Variants in ADAMTSL1 observed in about 807,000 individuals in gnomAD.
ADAMTSL1 encodes the protein ADAMTS like 1, also known as ADAMTS-like protein 1.
In ADAMTSL1, 126 loss-of-function variants were observed where a neutral mutation model predicts 201.8. The observed-to-expected ratio is 0.62, with a 90% CI of 0.54 to 0.72. The LOEUF is 0.72. Ranked by LOEUF, ADAMTSL1 falls within the 30% of genes least tolerant of loss-of-function variation. The pLI is 0.00. For missense variants in ADAMTSL1, 2,679 were observed against 2,277.8 expected (o/e 1.18, Z -3.59); for synonymous variants, 1,121 against 903.4 (o/e 1.24, Z -4.32).
intron 1 of ADAMTSL1, among the ~76,000 whole-genome samples, chr9:17,975,659 A>T (rs1238913481): frequency 1.3e-5 from 2 of 152,036 alleles, no homozygotes; most frequent in Admixed American, 6.6e-5. Flanking sequence ...TGCCATTCTG[A>T]AGGTCTTCCA....
intron 2 of ADAMTSL1, among the ~76,000 whole-genome samples, chr9:18,516,248 A>AAG (rs1233837495): frequency 6.6e-6 from 1 of 152,174 alleles, no homozygotes; most frequent in Admixed American, 6.5e-5. Context: ...GAAAGAAAGA[A>AAG]AGAGAGAGAG....
chr9:17,971,790 A>G (rs1465033793), intron 1 of ADAMTSL1, among the ~76,000 whole-genome samples: 1 of 151,958 alleles, frequency 6.6e-6, no homozygotes, highest in Non-Finnish European at 1.5e-5. Flanking sequence ...AAATGTGACC[A>G]TTCATCAGGG....
chr9:18,366,690 C>G (rs1836784962), intron 2 of ADAMTSL1, among the ~76,000 whole-genome samples: 1 of 124,260 alleles, frequency 8.0e-6, no homozygotes, highest in Admixed American at 1.0e-4. Flanking sequence ...CAGTCTGTCA[C>G]CCAGGCTGGA....
chr9:18,474,196 T>C lies in ADAMTSL1; in HGVS notation c.-37T>C. On this transcript the variant is annotated 5_prime_UTR_variant, in exon 1 of 29. Transcript: ENST00000380548. ...AGGCAGAGGAGCACTTAGCAGCTTA[T>C]TCAGTGTCCGATTCTGATTCCGGCA... is the stretch of plus-strand genomic sequence containing the variant. 4 of 1,609,718 alleles carry C rather than the reference T, an allele frequency of 2.5e-6. No homozygotes were observed. The highest frequency in any genetic ancestry group is 2.6e-6 in the Non-Finnish European group (3 of 1,176,212).
At chr9:18,220,703 A>T (rs1476206359) in intron 2 of ADAMTSL1, among the ~76,000 whole-genome samples, 2 of 151,166 alleles carry the variant, frequency 1.3e-5, no homozygotes, top group Non-Finnish European at 2.9e-5. Flanking sequence ...TTGTGACCCA[A>T]TTTCCTCATC....
intron 4 of ADAMTSL1, among the ~76,000 whole-genome samples, chr9:18,576,965 T>C (rs1822775758): frequency 6.6e-6 from 1 of 152,138 alleles, no homozygotes; most frequent in Non-Finnish European, 1.5e-5. Context: ...ACTCCTATTC[T>C]TTCCAGCGAG....
chr9:18,254,415 T>C (rs572775949), intron 2 of ADAMTSL1, among the ~76,000 whole-genome samples: 1 of 123,020 alleles, frequency 8.1e-6, no homozygotes, highest in South Asian at 2.9e-4. Flanking sequence ...CAGGCTGGAG[T>C]ACAGTGGCGC....
rs1345561162 is a variant in ADAMTSL1 at position 18,639,275 on chromosome 9, A to G, written c.698A>G (p.Gln233Arg). 3.5e-5 allele frequency: 56 copies of G among 1,612,748 alleles called. No homozygotes were observed. The highest frequency in any genetic ancestry group is 1.1e-4 in the East Asian group (5 of 44,856). Residue 233 changes from glutamine (Q) to arginine (R), a missense_variant, in exon 7 of 29, where the codon CAG (glutamine) becomes CGG (arginine). Transcript: ENST00000380548. ...ATAGATCTGGAAACCAAAACCCTCC[A>G]GGGGACTAAAGGTGAAAACAGTCTC... The part of the protein sequence containing the change: ...DHLYLETKTL[Q>R]GTKGENSLSS...
chr9:18,248,459 G>T (rs534980411), intron 2 of ADAMTSL1, among the ~76,000 whole-genome samples: 34 of 152,064 alleles, frequency 2.2e-4, no homozygotes, highest in African/African-American at 8.2e-4. Context: ...CCAAAACACT[G>T]TTCTATGTTA....
intron 1 of ADAMTSL1, among the ~76,000 whole-genome samples, chr9:17,987,182 A>G (rs1268982820): frequency 2.0e-5 from 3 of 152,102 alleles, no homozygotes; most frequent in Non-Finnish European, 4.4e-5. Flanking sequence ...TTAGGAATCT[A>G]AAGTAATGGC....
chr9:18,012,928 G>T (rs1820111554), intron 1 of ADAMTSL1, among the ~76,000 whole-genome samples: 1 of 151,924 alleles, frequency 6.6e-6, no homozygotes, highest in Admixed American at 6.6e-5. Context: ...TTAGGACTTG[G>T]AATCGAATCC....
chr9:18,081,371 C>G (rs1460441090), intron 1 of ADAMTSL1, among the ~76,000 whole-genome samples: 1 of 151,624 alleles, frequency 6.6e-6, no homozygotes, highest in East Asian at 1.9e-4. Flanking sequence ...ACGAATAATT[C>G]TTTTTCATTG....
intron 2 of ADAMTSL1, among the ~76,000 whole-genome samples, chr9:18,317,532 T>C (rs1351778093): frequency 1.3e-5 from 2 of 152,170 alleles, no homozygotes; most frequent in African/African-American, 4.8e-5. Context: ...TTTGTACACC[T>C]TGGATATATA....
chr9:18,101,193 A>G (rs1824500971), intron 1 of ADAMTSL1, among the ~76,000 whole-genome samples: 1 of 152,032 alleles, frequency 6.6e-6, no homozygotes, highest in Non-Finnish European at 1.5e-5. Context: ...ATACAGATGA[A>G]TGCATTTAAA....
chr9:17,977,248 A>C (rs185168303), intron 1 of ADAMTSL1, among the ~76,000 whole-genome samples: 4 of 151,948 alleles, frequency 2.6e-5, no homozygotes, highest in Admixed American at 2.0e-4. Flanking sequence ...GATGATTTTT[A>C]TGTCTATGTT....
chr9:18,088,107 C>G (rs1466370632), intron 1 of ADAMTSL1, among the ~76,000 whole-genome samples: 2 of 152,088 alleles, frequency 1.3e-5, no homozygotes, highest in African/African-American at 4.8e-5. Flanking sequence ...CATACAGGGT[C>G]AACTGATCTT....
intron 1 of ADAMTSL1, among the ~76,000 whole-genome samples, chr9:18,038,871 C>A (rs1821317515): frequency 6.6e-6 from 1 of 152,200 alleles, no homozygotes; most frequent in Non-Finnish European, 1.5e-5. Flanking sequence ...AGTACCATAA[C>A]TTCCCACATA....
chr9:17,976,564 C>G (rs1434405236), intron 1 of ADAMTSL1, among the ~76,000 whole-genome samples: 1 of 151,726 alleles, frequency 6.6e-6, no homozygotes, highest in East Asian at 1.9e-4. Flanking sequence ...AGAAACATAG[C>G]TGGTTTCTGT....
chr9:18,083,252 G>A (rs1456991431), intron 1 of ADAMTSL1, among the ~76,000 whole-genome samples: 1 of 152,152 alleles, frequency 6.6e-6, no homozygotes, highest in African/African-American at 2.4e-5. Context: ...GAAAGATGAT[G>A]GTAAGTAGGT....
Sources: gnomAD v4.1 joint callset for allele counts (sites outside exome capture counted in the v4.1 genomes callset) on GRCh38, gnomAD v4.1.1 for gene constraint, MANE v1.5 for transcripts, NCBI Gene and HGNC (gene_info 2026-07-23, HGNC 2026-07-21) for gene names.